EYA2: variants seen among roughly 807,000 people sequenced by gnomAD.
The protein encoded by EYA2 is EYA transcriptional coactivator and phosphatase 2, also known as protein phosphatase EYA2.
A neutral mutation model predicts 69.2 loss-of-function variants in EYA2; 31 were observed. The observed-to-expected ratio is 0.45, with a 90% CI of 0.34 to 0.60. The LOEUF (loss-of-function observed/expected upper bound fraction) is 0.60. Ranked by LOEUF, EYA2 falls within the 20% of genes least tolerant of loss-of-function variation. EYA2 has a pLI of 0.02. For synonymous variants in EYA2, 257 were observed against 279.4 expected, an observed-to-expected ratio of 0.92 and a Z score of 0.80; for missense variants, 622 against 701.2, an observed-to-expected ratio of 0.89 and a Z score of 1.28.
intron 5 of EYA2, among the ~76,000 whole-genome samples, chr20:47,066,111 G>A (rs1472837246): frequency 6.6e-6 from 1 of 152,136 alleles, no homozygotes; most frequent in Non-Finnish European, 1.5e-5. Context: ...AGGCCAAGGT[G>A]GGCAGATTGC....
At chr20:46,898,661 C>A (rs1251341035) in intron 1 of EYA2, among the ~76,000 whole-genome samples, 1 of 152,184 alleles carries the variant, frequency 6.6e-6, no homozygotes, top group Non-Finnish European at 1.5e-5. Flanking sequence ...TTGACTAACA[C>A]CCTTTTCTAG....
At chr20:47,102,651 C>T (rs529644041) in intron 9 of EYA2, among the ~76,000 whole-genome samples, 8 of 152,294 alleles carry the variant, frequency 5.3e-5, no homozygotes, top group African/African-American at 1.9e-4. Flanking sequence ...AGAAACTGGG[C>T]TCCCGTTCTG....
At chr20:47,187,241 C>T (rs2034662209) in intron 15 of EYA2, among the ~76,000 whole-genome samples, 1 of 151,490 alleles carries the variant, frequency 6.6e-6, no homozygotes, top group Non-Finnish European at 1.5e-5. Flanking sequence ...TGGTGGCATG[C>T]ATCTGTTGTC....
At chr20:46,957,529 T>TCACACACA (rs74176892) in intron 1 of EYA2, among the ~76,000 whole-genome samples, 7 of 20,012 alleles carry the variant, frequency 3.5e-4, no homozygotes, top group Admixed American at 6.2e-4. Context: ...GAAGGAGATT[T>TCACACACA]CACACACACA....
chr20:46,998,934 G>T (rs529857186), intron 2 of EYA2, among the ~76,000 whole-genome samples: 1 of 152,314 alleles, frequency 6.6e-6, no homozygotes, highest in East Asian at 1.9e-4. Context: ...GAGGTTGCTG[G>T]GGTGGGAAAG....
intron 1 of EYA2, among the ~76,000 whole-genome samples, chr20:46,899,423 G>A (rs887061644): frequency 2.0e-5 from 3 of 152,156 alleles, no homozygotes; most frequent in Admixed American, 6.5e-5. Context: ...GTTGGGTATG[G>A]TTCTGTAAAG....
At chr20:46,965,556 C>CA (rs1873668115) in intron 1 of EYA2, among the ~76,000 whole-genome samples, 3 of 152,260 alleles carry the variant, frequency 2.0e-5, no homozygotes, top group African/African-American at 7.2e-5. Context: ...GCCTGGGCCT[C>CA]ACGCCTCATA....
chr20:47,171,942 A>C (rs1339425872), intron 11 of EYA2, among the ~76,000 whole-genome samples: 1 of 151,622 alleles, frequency 6.6e-6, no homozygotes, highest in East Asian at 1.9e-4. Flanking sequence ...AAATACAAAA[A>C]ATTACCTGGG....
At position 47,097,129 on chromosome 20, in the gene EYA2, C is replaced by T. The variant is rs1351720713; in HGVS notation, c.849C>T (p.His283=). The T allele has an allele frequency of 2.5e-6, 4 of 1,611,378 alleles. No individual in the cohort carries two copies. Among genetic ancestry groups the T allele is most frequent in the Non-Finnish European group, 3.4e-6 (4 of 1,179,068 alleles). Residue 283 remains histidine, a synonymous_variant, in exon 9 of 16, where the codon CAC becomes CAT. Coordinates refer to ENST00000327619, the MANE Select transcript of EYA2 (RefSeq NM_005244.5). ...TGGATGAGACAATAATTATTTTTCA[C>T]TCCTTACTCACGGGGACATTTGCAT... The part of the protein sequence containing the change: ...WDLDETIIIF[H]SLLTGTFASR...
At chr20:46,898,330 T>C (rs956690092) in intron 1 of EYA2, among the ~76,000 whole-genome samples, 7 of 150,920 alleles carry the variant, frequency 4.6e-5, no homozygotes, top group African/African-American at 1.7e-4. Context: ...TAGACTGTGC[T>C]CAAAAGGAAT....
intron 2 of EYA2, among the ~76,000 whole-genome samples, chr20:46,990,479 T>C (rs930028104): frequency 6.6e-6 from 1 of 152,234 alleles, no homozygotes; most frequent in African/African-American, 2.4e-5. Context: ...CTCTCTACTC[T>C]GCTCTGCCAT....
At chr20:47,017,735 T>C (rs1224188367) in intron 5 of EYA2, among the ~76,000 whole-genome samples, 3 of 152,202 alleles carry the variant, frequency 2.0e-5, no homozygotes, top group Non-Finnish European at 4.4e-5. Flanking sequence ...GGTTCTCTCA[T>C]ACAACCTTCA....
chr20:47,163,331 G>A (rs891555120), intron 10 of EYA2, among the ~76,000 whole-genome samples: 12 of 151,942 alleles, frequency 7.9e-5, no homozygotes, highest in African/African-American at 1.5e-4. Context: ...GCGCCCAGCC[G>A]GATGTATGAT....
intron 1 of EYA2, among the ~76,000 whole-genome samples, chr20:46,906,523 C>G (rs1984365776): frequency 6.6e-6 from 1 of 152,166 alleles, no homozygotes; most frequent in South Asian, 2.1e-4. Flanking sequence ...AGAAGAATAA[C>G]TAACCTTTGG....
At chr20:47,121,299 G>T (rs1186041842) in intron 9 of EYA2, among the ~76,000 whole-genome samples, 1 of 152,082 alleles carries the variant, frequency 6.6e-6, no homozygotes, top group Non-Finnish European at 1.5e-5. Context: ...ACCATGTTTG[G>T]CCAGGCTTGT....
chr20:47,056,626 G>T (rs1009723376), intron 5 of EYA2, among the ~76,000 whole-genome samples: 2 of 152,188 alleles, frequency 1.3e-5, no homozygotes, highest in African/African-American at 4.8e-5. Flanking sequence ...CTGAGGCTTA[G>T]AAAGTTCAAC....
intron 1 of EYA2, among the ~76,000 whole-genome samples, chr20:46,918,958 A>T (rs1035118278): frequency 6.6e-6 from 1 of 152,356 alleles, no homozygotes; most frequent in South Asian, 2.1e-4. Context: ...ATCTCCTTGT[A>T]TATCTCCATG....
intron 9 of EYA2, among the ~76,000 whole-genome samples, chr20:47,106,208 C>G (rs1052363839): frequency 6.6e-6 from 1 of 152,108 alleles, no homozygotes; most frequent in Non-Finnish European, 1.5e-5. Context: ...TTTCCTCTTG[C>G]CTCAGGCCCT....
chr20:47,181,482 C>T (rs959878733), intron 14 of EYA2, among the ~76,000 whole-genome samples: 29 of 152,164 alleles, frequency 1.9e-4, no homozygotes, highest in Admixed American at 1.9e-3. Context: ...AGCTTAGTCA[C>T]GTGGCCACAA....
Sources: allele counts gnomAD v4.1 joint callset (sites outside exome capture counted in the v4.1 genomes callset), GRCh38; gene constraint gnomAD v4.1.1; transcripts MANE v1.5; gene names NCBI Gene and HGNC (gene_info 2026-07-23, HGNC 2026-07-21).